The following REPS1 variants were observed in gnomAD, a reference collection of about 807,000 sequenced individuals.
REPS1 encodes the protein ralBP1-associated Eps domain-containing protein 1.
REPS1 carries 39 observed loss-of-function variants against 100.9 expected under a neutral mutation model. That is an observed-to-expected ratio of 0.39 (90% CI 0.30 to 0.50). The LOEUF (loss-of-function observed/expected upper bound fraction) is 0.50. REPS1 is among the 20% of genes least tolerant of loss of function. REPS1 has a pLI of 0.86. For missense variants in REPS1, 821 were observed against 968.5 expected (o/e 0.85, Z 2.02); for synonymous variants, 324 against 340.3 (o/e 0.95, Z 0.53).
At position 138,945,246 on chromosome 6, in the gene REPS1, A is replaced by C. The variant is rs1301340537; in HGVS notation, c.601T>G (p.Trp201Gly). The change falls in exon 4 of 20, where the codon TGG becomes GGG. Residue 201 changes from tryptophan to glycine, a missense_variant. Physicochemically the swap from Trp to Gly is radical, Grantham distance 184. Transcript: ENST00000450536. ...GATTGTGCTTCACCAAAGGGAGACC[A>C]AAATGGCCCAGGTCCCGCGAGAGGC... ...ERPLAGPGPF[W>G]SPFGEAQSGS... is the part of the protein sequence containing the mutation. 6.2e-7 allele frequency: 1 copy of C among 1,610,088 alleles called. No individual in the cohort carries two copies. Among genetic ancestry groups the C allele is most frequent in the East Asian group, 2.2e-5 (1 of 44,790 alleles).
At chr6:138,985,087 G>A (rs1477514958) in intron 1 of REPS1, among the ~76,000 whole-genome samples, 2 of 152,160 alleles carry the variant, frequency 1.3e-5, no homozygotes, top group African/African-American at 4.8e-5. Context: ...CTTCTTCAGA[G>A]TCTTTCCCAA....
chr6:138,934,447 C>T (rs1781676551), intron 8 of REPS1: 22 of 411,246 alleles, frequency 5.3e-5, no homozygotes, highest in South Asian at 3.9e-4. Context: ...TATGATCACA[C>T]TGACCTACGG....
At chr6:138,983,602 T>C (rs1785080024) in intron 1 of REPS1, among the ~76,000 whole-genome samples, 3 of 152,222 alleles carry the variant, frequency 2.0e-5, no homozygotes. Context: ...CCTTCCTCGT[T>C]TGGTTCTGGA....
intron 1 of REPS1, among the ~76,000 whole-genome samples, chr6:138,965,238 T>C (rs906680979): frequency 1.8e-4 from 28 of 152,036 alleles, no homozygotes; most frequent in African/African-American, 6.8e-4. Flanking sequence ...ACATAAGAAC[T>C]CCAATGTGAA....
chr6:138,919,410 A>G (rs889213133), intron 12 of REPS1, among the ~76,000 whole-genome samples: 1 of 152,222 alleles, frequency 6.6e-6, no homozygotes, highest in African/African-American at 2.4e-5. Context: ...AGACTGATCC[A>G]GTTAAAAAGC....
At position 138,905,799 on chromosome 6, in the gene REPS1, T is replaced by C. The variant is rs376002478; in HGVS notation, c.2323-667A>G. On this transcript the variant is annotated intron_variant, in intron 19 of 19. Transcript: ENST00000450536. ...TAGCTTCTTTTCCCTAGTGATGACA[T>C]CTGGCTATATCAACTCCTAGATCTC... 6.6e-5 allele frequency among the ~76,000 whole-genome samples: 10 copies of C among 152,300 alleles called. No homozygotes were observed. The East Asian group carries it at 1.7e-3, about 26-fold the overall frequency.
chr6:138,921,855 G>T (rs1016350752), intron 10 of REPS1, among the ~76,000 whole-genome samples: 1 of 151,930 alleles, frequency 6.6e-6, no homozygotes, highest in Non-Finnish European at 1.5e-5. Flanking sequence ...GATTACAGGC[G>T]TGAGCCACTG....
chr6:138,913,395 A>C (rs956179304), intron 15 of REPS1, among the ~76,000 whole-genome samples: 1 of 152,118 alleles, frequency 6.6e-6, no homozygotes, highest in Non-Finnish European at 1.5e-5. Flanking sequence ...TCCTCCCAAC[A>C]TGTCAGGAAC....
intron 13 of REPS1, 24 bp downstream of exon 13, chr6:138,917,531 C>T (rs1486998333): frequency 6.4e-7 from 1 of 1,568,884 alleles, no homozygotes; most frequent in Non-Finnish European, 8.8e-7. Flanking sequence ...GTTTAACATG[C>T]TTTTCATTGA....
intron 1 of REPS1, among the ~76,000 whole-genome samples, chr6:138,972,732 G>C (rs56951593): frequency 0.088 from 13,248 of 151,356 alleles, 1,211 homozygotes; most frequent in African/African-American, 0.23. Context: ...AGTAACGATT[G>C]CTTAAAGTTA....
chr6:138,928,510 A>T (rs979625726), intron 9 of REPS1: 1 of 152,174 alleles, frequency 6.6e-6, no homozygotes, highest in Non-Finnish European at 1.5e-5. Context: ...AAAAATTATG[A>T]CATTCATGAC....
chr6:138,952,871 CTT>C (rs1452830691), intron 1 of REPS1, among the ~76,000 whole-genome samples: 3 of 149,400 alleles, frequency 2.0e-5, no homozygotes, highest in East Asian at 2.0e-4. Flanking sequence ...TCAAAAAACT[CTT>C]GTCACCCAGG....
intron 8 of REPS1, among the ~76,000 whole-genome samples, chr6:138,932,679 T>A (rs1221698260): frequency 6.6e-6 from 1 of 152,208 alleles, no homozygotes; most frequent in Admixed American, 6.5e-5. Flanking sequence ...GATTCAGTTG[T>A]AAGCTGAACA....
chr6:138,907,707 C>T, intron 18 of REPS1, 107 bp from the exon 19 acceptor site: 1 of 709,874 alleles, frequency 1.4e-6, no homozygotes, highest in Non-Finnish European at 2.4e-6. Context: ...AAAAGAGCAT[C>T]TTTTTCCTTA....
At chr6:138,930,169 T>TA (rs1454037609) in intron 8 of REPS1, 71 bp from the exon 9 acceptor site, 86 of 1,334,480 alleles carry the variant, frequency 6.4e-5, no homozygotes, top group Non-Finnish European at 7.0e-5. Context: ...ATTTACTTAT[T>TA]AAAAAAAAGC....
intron 19 of REPS1, among the ~76,000 whole-genome samples, chr6:138,905,390 C>T (rs1582686431): frequency 6.6e-6 from 1 of 152,016 alleles, no homozygotes; most frequent in Non-Finnish European, 1.5e-5. Context: ...TTCCCGGGTT[C>T]ACGCCATTCT....
chr6:138,934,168 A>T, intron 8 of REPS1: 1 of 290,490 alleles, frequency 3.4e-6, no homozygotes, highest in East Asian at 8.5e-5. Flanking sequence ...CCCACCCACA[A>T]ATGTTAGTCT....
chr6:138,910,815 G>A (rs1375637486), intron 17 of REPS1: 1 of 154,842 alleles, frequency 6.5e-6, no homozygotes, highest in Non-Finnish European at 1.4e-5. Context: ...GTATAAAGTA[G>A]TGAATTTACT....
chr6:138,937,572 C>T (rs111596802), intron 8 of REPS1, among the ~76,000 whole-genome samples: 25 of 152,218 alleles, frequency 1.6e-4, no homozygotes, highest in Admixed American at 2.6e-4. Context: ...ATCCATGCAA[C>T]GCACCCTAAC....
Sources: allele counts gnomAD v4.1 joint callset (sites outside exome capture counted in the v4.1 genomes callset), GRCh38; gene constraint gnomAD v4.1.1; transcripts MANE v1.5; gene names NCBI Gene and HGNC (gene_info 2026-07-23, HGNC 2026-07-21).